BBS9: variants seen among roughly 807,000 people sequenced by gnomAD.
BBS9 encodes the protein Bardet-Biedl syndrome 9, also known as protein PTHB1.
Under a neutral mutation model 117.7 loss-of-function variants are expected in BBS9, and 89 were observed. The ratio of observed to expected loss-of-function variants is 0.76; its 90% CI spans 0.64 to 0.90. The LOEUF (loss-of-function observed/expected upper bound fraction) is 0.90. BBS9 is among the 40% of genes least tolerant of loss of function. The pLI, the probability that BBS9 is intolerant of heterozygous loss-of-function variation, is 0.00. For synonymous variants in BBS9, 379 were observed against 370.9 expected (o/e 1.02, Z -0.25); for missense variants, 982 against 1,042.2 (o/e 0.94, Z 0.80).
At position 33,520,291 on chromosome 7, in the gene BBS9, C is replaced by T. The variant is rs534316376; in HGVS notation, c.2299-13663C>T. On this transcript the variant is annotated intron_variant, in intron 20 of 22. Transcript: ENST00000242067. ...CCTCCCAAAGTGCTGGGATTACATG[C>T]GTGAGCCACTGTGCCCGGCCCCAAA... 3.9e-5 allele frequency among the ~76,000 whole-genome samples: 6 copies of T among 152,248 alleles called. No homozygotes were observed. In the Middle Eastern group the frequency reaches 0.01, roughly 259 times the overall value.
chr7:33,543,959 AT>A (rs1299014488), intron 21 of BBS9, among the ~76,000 whole-genome samples: 1 of 151,544 alleles, frequency 6.6e-6, no homozygotes, highest in Non-Finnish European at 1.5e-5. Context: ...TCGAGCTCTG[AT>A]TTTTTTTCTT....
intron 4 of BBS9, among the ~76,000 whole-genome samples, chr7:33,165,408 A>G (rs1319604634): frequency 1.3e-5 from 2 of 152,074 alleles, no homozygotes; most frequent in African/African-American, 4.8e-5. Flanking sequence ...CTCCTGGATA[A>G]TATCCAGCAG....
intron 9 of BBS9, among the ~76,000 whole-genome samples, chr7:33,279,614 TG>T (rs1400382609): frequency 6.6e-6 from 1 of 152,232 alleles, no homozygotes; most frequent in Non-Finnish European, 1.5e-5. Flanking sequence ...GAGTCTAAGA[TG>T]TTTTTTTTCT....
At chr7:33,168,931 G>A (rs1796103740) in intron 4 of BBS9, among the ~76,000 whole-genome samples, 1 of 151,876 alleles carries the variant, frequency 6.6e-6, no homozygotes, top group Non-Finnish European at 1.5e-5. Context: ...TCTAGCATTA[G>A]GTATATCTCC....
At chr7:33,296,396 A>G (rs992004316) in intron 9 of BBS9, among the ~76,000 whole-genome samples, 4 of 152,180 alleles carry the variant, frequency 2.6e-5, no homozygotes, top group African/African-American at 7.2e-5. Context: ...TTGATACCCA[A>G]TTGCTTTAAC....
In BBS9 at chr7:33,219,016, C is replaced by T. The variant is rs909920332; in HGVS notation, c.443-38220C>T. Among the ~76,000 whole-genome samples the T allele has an allele frequency of 5.3e-5, 8 of 152,334 alleles. No individual in the cohort carries two copies. In the South Asian group the frequency reaches 6.2e-4, roughly 12 times the overall value. On this transcript the variant is annotated intron_variant, in intron 5 of 22. Transcript: ENST00000242067. ...GAACCCGGGCTGCGGGCGGCGCTTGCGGGCCAGCTGGAGTTCCGGGTGGGT... is the reference window on the plus strand; with the variant it reads ...GAACCCGGGCTGCGGGCGGCGCTTGTGGGCCAGCTGGAGTTCCGGGTGGGT...
chr7:33,343,337 G>A (rs1440120720), intron 11 of BBS9, among the ~76,000 whole-genome samples: 2 of 152,078 alleles, frequency 1.3e-5, no homozygotes, highest in Admixed American at 6.5e-5. Flanking sequence ...TAAGTTATAA[G>A]TGATAAGGGA....
intron 20 of BBS9, among the ~76,000 whole-genome samples, chr7:33,523,128 C>G (rs1362383105): frequency 1.4e-5 from 2 of 147,292 alleles, no homozygotes; most frequent in African/African-American, 5.0e-5. Flanking sequence ...GGTACCAGTA[C>G]CATGCTGTTT....
At chr7:33,245,452 C>T (rs1481790444) in intron 5 of BBS9, among the ~76,000 whole-genome samples, 1 of 152,116 alleles carries the variant, frequency 6.6e-6, no homozygotes, top group Non-Finnish European at 1.5e-5. Flanking sequence ...ATCACAGTCT[C>T]TTAAGTGTCA....
chr7:33,155,947 T>G (rs1303854641), intron 4 of BBS9, among the ~76,000 whole-genome samples: 1 of 152,190 alleles, frequency 6.6e-6, no homozygotes, highest in Non-Finnish European at 1.5e-5. Flanking sequence ...CTTAATCACC[T>G]GCCTCTCCAG....
chr7:33,350,077 A>G (rs9784973), intron 13 of BBS9, among the ~76,000 whole-genome samples: 68,683 of 152,056 alleles, frequency 0.45, 15,765 homozygotes, highest in Admixed American at 0.53. Context: ...CTTTGTATAG[A>G]ATCTCTTACT....
chr7:33,311,083 T>A (rs770609272), intron 9 of BBS9, among the ~76,000 whole-genome samples: 52 of 152,316 alleles, frequency 3.4e-4, no homozygotes, highest in Non-Finnish European at 7.1e-4. Context: ...TTTTCTGACA[T>A]ATTGAAATCC....
At chr7:33,332,113 C>A (rs1413525804) in intron 9 of BBS9, among the ~76,000 whole-genome samples, 1 of 152,036 alleles carries the variant, frequency 6.6e-6, no homozygotes, top group African/African-American at 2.4e-5. Flanking sequence ...GCACATAGAC[C>A]AATGGAACAG....
intron 20 of BBS9, among the ~76,000 whole-genome samples, chr7:33,526,966 A>C (rs1176337088): frequency 1.3e-5 from 2 of 148,390 alleles, no homozygotes; most frequent in African/African-American, 2.5e-5. Context: ...TCCTTCTAAC[A>C]GACAGGACCC....
intron 1 of BBS9, among the ~76,000 whole-genome samples, chr7:33,141,277 C>T (rs111468279): frequency 6.6e-6 from 1 of 152,116 alleles, no homozygotes; most frequent in Non-Finnish European, 1.5e-5. Flanking sequence ...CAAAAATTAG[C>T]TGGGCGTGTT....
intron 15 of BBS9, among the ~76,000 whole-genome samples, chr7:33,353,651 A>C (rs1159188615): frequency 6.6e-6 from 1 of 152,052 alleles, no homozygotes. Flanking sequence ...AAGTTATTTT[A>C]AGATACATTT....
intron 5 of BBS9, among the ~76,000 whole-genome samples, chr7:33,253,567 G>A (rs555049027): frequency 2.0e-5 from 3 of 152,260 alleles, no homozygotes; most frequent in East Asian, 1.9e-4. Flanking sequence ...AGCCAAGATC[G>A]TGCCACTGCA....
At chr7:33,344,717 AG>A in intron 12 of BBS9, 83 bp downstream of exon 12, 1 of 1,373,922 alleles carries the variant, frequency 7.3e-7, no homozygotes, top group South Asian at 1.2e-5. Context: ...ACTTGTAAGT[AG>A]CTTACAGAAA....
At chr7:33,413,759 C>T (rs919279552) in intron 19 of BBS9, among the ~76,000 whole-genome samples, 2 of 152,130 alleles carry the variant, frequency 1.3e-5, no homozygotes, top group Non-Finnish European at 2.9e-5. Flanking sequence ...CAGTGGCTCA[C>T]GCCTGTAATC....
Sources: allele counts gnomAD v4.1 joint callset (sites outside exome capture counted in the v4.1 genomes callset), GRCh38; gene constraint gnomAD v4.1.1; transcripts MANE v1.5; gene names NCBI Gene and HGNC (gene_info 2026-07-23, HGNC 2026-07-21).